MAGI1: variants seen among roughly 807,000 people sequenced by gnomAD.
MAGI1 encodes membrane-associated guanylate kinase, WW and PDZ domain-containing protein 1.
MAGI1 carries 58 observed loss-of-function variants against 139.9 expected under a neutral mutation model. The ratio of observed to expected loss-of-function variants is 0.41; its 90% CI spans 0.34 to 0.52. MAGI1 has a LOEUF of 0.52. Among genes scored for constraint, MAGI1 ranks in the 20% least tolerant of loss-of-function variants. MAGI1 has a pLI of 0.12. For synonymous variants in MAGI1, 812 were observed against 737.9 expected (o/e 1.10, Z -1.63); for missense variants, 1,874 against 1,901.6 (o/e 0.99, Z 0.27).
intron 1 of MAGI1, among the ~76,000 whole-genome samples, chr3:65,702,472 C>A (rs560423329): frequency 1.2e-4 from 18 of 148,880 alleles, no homozygotes; most frequent in African/African-American, 3.7e-4. Context: ...GTCAATTTTA[C>A]AATATATATG....
intron 2 of MAGI1, among the ~76,000 whole-genome samples, chr3:65,580,685 T>C (rs959972212): frequency 6.6e-6 from 1 of 152,124 alleles, no homozygotes; most frequent in Non-Finnish European, 1.5e-5. Flanking sequence ...TAAAAAAAAA[T>C]ATGTGGCAGA....
At chr3:65,485,363 G>C (rs1951560617) in intron 3 of MAGI1, among the ~76,000 whole-genome samples, 1 of 152,142 alleles carries the variant, frequency 6.6e-6, no homozygotes, top group South Asian at 2.1e-4. Flanking sequence ...AGTGCCATTT[G>C]GTTTCTAATA....
rs145087041 is a variant in MAGI1 at position 65,893,248 on chromosome 3, CA to C, written c.313+144747del. 1.4e-3 allele frequency among the ~76,000 whole-genome samples: 219 copies of C among 151,444 alleles called. 6 individuals carry two copies. The highest frequency in any genetic ancestry group is 6.5e-3 in the South Asian group (31 of 4,768). On this transcript the variant is annotated intron_variant, in intron 1 of 22. Coordinates refer to ENST00000402939, the MANE Select transcript of MAGI1 (RefSeq NM_001033057.2). ...TAGTCCTCTTTCTACCAAGCAAAGC[CA>C]AAGGTTCCCAGACATATACAACCTC...
At chr3:65,370,977 T>C (rs1941930236) in intron 18 of MAGI1, among the ~76,000 whole-genome samples, 2 of 152,128 alleles carry the variant, frequency 1.3e-5, no homozygotes, top group Admixed American at 1.3e-4. Flanking sequence ...TTAAATTAAG[T>C]CAACATCTAC....
chr3:65,636,723 C>CACACACAT (rs1372380660), intron 1 of MAGI1, among the ~76,000 whole-genome samples: 3 of 150,926 alleles, frequency 2.0e-5, no homozygotes, highest in Non-Finnish European at 4.4e-5. Flanking sequence ...CACACACACA[C>CACACACAT]ATACACACAC....
intron 1 of MAGI1, among the ~76,000 whole-genome samples, chr3:65,921,965 G>T (rs2062227128): frequency 6.8e-6 from 1 of 147,150 alleles, no homozygotes; most frequent in South Asian, 2.2e-4. Flanking sequence ...CTACACAAAA[G>T]GAAAGAATAT....
chr3:65,562,577 C>T (rs2080412469), intron 2 of MAGI1, among the ~76,000 whole-genome samples: 1 of 152,176 alleles, frequency 6.6e-6, no homozygotes, highest in Non-Finnish European at 1.5e-5. Context: ...CAGCCTTGAA[C>T]TTTTCGGCTA....
rs141875912 is a variant in MAGI1, at chr3:65,502,136, C to T, written c.431-8505G>A. 4.1e-3 allele frequency among the ~76,000 whole-genome samples: 627 copies of T among 152,212 alleles called. 5 individuals are homozygous for T. Among genetic ancestry groups the T allele is most frequent in the African/African-American group, 0.014 (570 of 41,538 alleles). Reference sequence around the variant, plus strand: ...TGGTCAAAACCCATAGCGCACACCACGAATGGTGATTTTTACTGTGTATAA... The same window carrying T: ...TGGTCAAAACCCATAGCGCACACCATGAATGGTGATTTTTACTGTGTATAA... On this transcript the variant is annotated intron_variant, in intron 2 of 22. Transcript: ENST00000402939.
intron 14 of MAGI1, chr3:65,387,156 A>G (rs769684424): frequency 6.2e-7 from 1 of 1,614,038 alleles, no homozygotes; most frequent in South Asian, 1.1e-5. Flanking sequence ...GACATTCTCC[A>G]AAATTCGTGG....
chr3:65,364,829 C>G, intron 19 of MAGI1, 24 bp downstream of exon 19: 1 of 1,613,250 alleles, frequency 6.2e-7, no homozygotes, highest in South Asian at 1.1e-5. Context: ...TCCCCTTTAA[C>G]AAAGGAAACC....
intron 1 of MAGI1, among the ~76,000 whole-genome samples, chr3:65,698,451 C>G (rs1475710008): frequency 2.0e-5 from 3 of 149,990 alleles, no homozygotes; most frequent in African/African-American, 7.4e-5. Flanking sequence ...AAGCTGGAGG[C>G]ATCACACTAC....
chr3:65,531,186 C>G (rs1333418861), intron 2 of MAGI1, among the ~76,000 whole-genome samples: 5 of 151,744 alleles, frequency 3.3e-5, no homozygotes, highest in African/African-American at 9.7e-5. Context: ...AAAATCAACC[C>G]CAAATGCTCC....
intron 2 of MAGI1, among the ~76,000 whole-genome samples, chr3:65,587,959 G>A (rs373617630): frequency 3.8e-4 from 58 of 152,164 alleles, no homozygotes; most frequent in African/African-American, 1.3e-3. Flanking sequence ...CCCAGTGTTG[G>A]GATCCATCTG....
At chr3:65,817,635 G>C (rs12635127) in intron 1 of MAGI1, among the ~76,000 whole-genome samples, 2 of 151,716 alleles carry the variant, frequency 1.3e-5, no homozygotes, top group East Asian at 3.9e-4. Context: ...TGTTAGAAAA[G>C]AAAGAGGGAG....
intron 12 of MAGI1, among the ~76,000 whole-genome samples, chr3:65,419,466 A>G (rs1018629456): frequency 6.6e-6 from 1 of 152,222 alleles, no homozygotes; most frequent in Non-Finnish European, 1.5e-5. Flanking sequence ...AATAGGTCAC[A>G]GCCCACAGTT....
chr3:65,943,390 A>G (rs1432618692), intron 1 of MAGI1, among the ~76,000 whole-genome samples: 1 of 152,068 alleles, frequency 6.6e-6, no homozygotes, highest in Non-Finnish European at 1.5e-5. Context: ...CCTGGCCAAC[A>G]TCGTGAAACC....
intron 12 of MAGI1, among the ~76,000 whole-genome samples, chr3:65,417,959 C>T (rs1575672038): frequency 6.6e-6 from 1 of 152,120 alleles, no homozygotes; most frequent in East Asian, 1.9e-4. Flanking sequence ...GATTTTGCCC[C>T]TTAGGGGACA....
intron 1 of MAGI1, among the ~76,000 whole-genome samples, chr3:65,712,480 G>A (rs972087759): frequency 6.7e-6 from 1 of 149,808 alleles, no homozygotes; most frequent in South Asian, 2.1e-4. Flanking sequence ...AAAGCCATGC[G>A]CGATAATAAA....
intron 1 of MAGI1, among the ~76,000 whole-genome samples, chr3:65,791,974 G>C (rs1229865901): frequency 6.6e-6 from 1 of 151,868 alleles, no homozygotes; most frequent in Non-Finnish European, 1.5e-5. Flanking sequence ...AACATTCCAA[G>C]AACCCCAGTG....
Sources: gnomAD v4.1 joint callset for allele counts (sites outside exome capture counted in the v4.1 genomes callset) on GRCh38, gnomAD v4.1.1 for gene constraint, MANE v1.5 for transcripts, NCBI Gene and HGNC (gene_info 2026-07-23, HGNC 2026-07-21) for gene names.